GSE1: variants seen among roughly 807,000 people sequenced by gnomAD.
GSE1 encodes genetic suppressor element 1.
GSE1 carries 32 observed loss-of-function variants against 112.6 expected under a neutral mutation model. That is an observed-to-expected ratio of 0.28 (90% CI 0.21 to 0.38). The LOEUF is 0.38. Ranked by LOEUF, GSE1 falls within the 10% of genes least tolerant of loss-of-function variation. The probability of loss-of-function intolerance (pLI) is 1.00; values close to 1 mark genes in which losing one functional copy is unlikely to be tolerated. For synonymous variants in GSE1, 1,115 were observed against 735.6 expected, an observed-to-expected ratio of 1.52 and a Z score of -8.35; for missense variants, 2,348 against 1,699.2, an observed-to-expected ratio of 1.38 and a Z score of -6.71.
intron 2 of GSE1, among the ~76,000 whole-genome samples, chr16:85,414,170 C>T (rs537014231): frequency 6.8e-4 from 103 of 152,290 alleles, no homozygotes; most frequent in African/African-American, 2.4e-3. Flanking sequence ...CCTTCCATGC[C>T]ACAGGTCTAT....
At chr16:85,187,489 C>G (rs2143397528) in intron 1 of GSE1, among the ~76,000 whole-genome samples, 1 of 152,388 alleles carries the variant, frequency 6.6e-6, no homozygotes. Context: ...GAAGCCCATT[C>G]TTGCTCAGTG....
At chr16:85,628,758 G>A (rs1381931803) in intron 1 of GSE1, among the ~76,000 whole-genome samples, 2 of 152,200 alleles carry the variant, frequency 1.3e-5, no homozygotes, top group Non-Finnish European at 2.9e-5. Flanking sequence ...AGAGAAAAAG[G>A]ATGAAAGTGA....
At chr16:85,324,341 C>T (rs1383477588) in intron 1 of GSE1, among the ~76,000 whole-genome samples, 1 of 152,106 alleles carries the variant, frequency 6.6e-6, no homozygotes, top group African/African-American at 2.4e-5. Context: ...GAAACCCCGT[C>T]TCTACTAAAA....
intron 1 of GSE1, among the ~76,000 whole-genome samples, chr16:85,283,720 G>C (rs1489845324): frequency 6.6e-6 from 1 of 152,212 alleles, no homozygotes; most frequent in Non-Finnish European, 1.5e-5. Flanking sequence ...TGTTGATTCT[G>C]CTGGGCCTGT....
At chr16:85,297,746 A>G (rs2045409041) in intron 1 of GSE1, among the ~76,000 whole-genome samples, 1 of 152,120 alleles carries the variant, frequency 6.6e-6, no homozygotes, top group African/African-American at 2.4e-5. Flanking sequence ...CCTGGCCTCA[A>G]GGGATCCTCC....
intron 2 of GSE1, among the ~76,000 whole-genome samples, chr16:85,640,457 G>A (rs769285898): frequency 3.3e-5 from 5 of 152,200 alleles, no homozygotes; most frequent in East Asian, 3.9e-4. Context: ...GCCCTGTGCC[G>A]CCTTCCCCTG....
intron 2 of GSE1, among the ~76,000 whole-genome samples, chr16:85,422,780 G>A (rs1357302455): frequency 1.3e-5 from 2 of 152,086 alleles, no homozygotes; most frequent in African/African-American, 2.4e-5. Context: ...TGGGGGCGCT[G>A]CTGCCCTGGG....
intron 1 of GSE1, among the ~76,000 whole-genome samples, chr16:85,352,146 G>T (rs138561707): frequency 2.0e-5 from 3 of 152,144 alleles, no homozygotes; most frequent in African/African-American, 7.2e-5. Context: ...GGGATGTGGC[G>T]TCTGTCTTCC....
At chr16:85,599,390 A>G (rs1196604030) in intron 1 of GSE1, among the ~76,000 whole-genome samples, 3 of 152,210 alleles carry the variant, frequency 2.0e-5, no homozygotes, top group Non-Finnish European at 4.4e-5. Flanking sequence ...GACAGGGGCT[A>G]CCTGTGGACA....
intron 1 of GSE1, among the ~76,000 whole-genome samples, chr16:85,628,417 T>TA (rs2151700236): frequency 6.6e-6 from 1 of 152,138 alleles, no homozygotes; most frequent in South Asian, 2.1e-4. Context: ...GGGGAGCAGA[T>TA]ATTGGGCTTT....
intron 1 of GSE1, among the ~76,000 whole-genome samples, chr16:85,172,550 G>A (rs999626519): frequency 2.0e-5 from 3 of 152,222 alleles, no homozygotes; most frequent in Non-Finnish European, 2.9e-5. Flanking sequence ...TTTGGGATCC[G>A]GCTTTGCAAG....
rs1448661338 is a variant in GSE1, at chr16:85,311,408, C to T, written c.2284-46055C>T. 6.6e-6 allele frequency among the ~76,000 whole-genome samples: 1 copy of T among 151,944 alleles called. No homozygotes were observed. Among genetic ancestry groups the T allele is most frequent in the African/African-American group, 2.4e-5 (1 of 41,412 alleles). ...TGCAGACAGCCCAGGTCAGCAGCAGCATCGGAGGCAACCTGCCCTCGTGGC... is the reference window on the plus strand; with the variant it reads ...TGCAGACAGCCCAGGTCAGCAGCAGTATCGGAGGCAACCTGCCCTCGTGGC... On this transcript the variant is annotated intron_variant, in intron 1 of 2. Transcript: ENST00000637419. The surrounding 1 kb of genome is among the most constrained non-coding windows in gnomAD (Gnocchi z 4.2).
At chr16:85,260,659 G>A (rs1030721195) in intron 1 of GSE1, among the ~76,000 whole-genome samples, 13 of 152,212 alleles carry the variant, frequency 8.5e-5, no homozygotes, top group African/African-American at 3.1e-4. Context: ...ACTCTGGTAG[G>A]AGCTGTTCCC....
chr16:85,396,617 C>T (rs1408562336), intron 2 of GSE1, among the ~76,000 whole-genome samples: 3 of 152,236 alleles, frequency 2.0e-5, no homozygotes, highest in African/African-American at 7.2e-5. Flanking sequence ...GCTTCCTCCT[C>T]CCTCCGATTG....
At chr16:85,638,478 T>A (rs1444473938) in intron 2 of GSE1, among the ~76,000 whole-genome samples, 1 of 152,212 alleles carries the variant, frequency 6.6e-6, no homozygotes, top group African/African-American at 2.4e-5. Flanking sequence ...CCCAGCACTT[T>A]CCTTCCTTGC....
At chr16:85,197,370 G>C (rs143051400) in intron 1 of GSE1, among the ~76,000 whole-genome samples, 133 of 152,310 alleles carry the variant, frequency 8.7e-4, no homozygotes, top group Non-Finnish European at 1.6e-3. Flanking sequence ...AATTTTAAAG[G>C]ACTCCAGCCC....
At chr16:85,207,398 G>C (rs762590872) in intron 1 of GSE1, among the ~76,000 whole-genome samples, 6 of 152,258 alleles carry the variant, frequency 3.9e-5, no homozygotes, top group Non-Finnish European at 7.3e-5. Context: ...TCACCCAGCA[G>C]GTTCCTGCTG....
intron 2 of GSE1, among the ~76,000 whole-genome samples, chr16:85,638,280 C>G (rs528556971): frequency 6.6e-6 from 1 of 152,166 alleles, no homozygotes; most frequent in African/African-American, 2.4e-5. Flanking sequence ...AGGAGGCCCT[C>G]GCTGGGATTT....
intron 1 of GSE1, among the ~76,000 whole-genome samples, chr16:85,328,478 A>T (rs2046272236): frequency 6.6e-6 from 1 of 152,220 alleles, no homozygotes; most frequent in African/African-American, 2.4e-5. Flanking sequence ...GCCCGCCTAG[A>T]CACTCCAGGC....
Sources: allele counts gnomAD v4.1 joint callset (sites outside exome capture counted in the v4.1 genomes callset), GRCh38; gene constraint gnomAD v4.1.1; non-coding constraint Gnocchi (gnomAD v3.1); transcripts MANE v1.5; gene names NCBI Gene and HGNC (gene_info 2026-07-23, HGNC 2026-07-21).